STK32B: variants seen among roughly 807,000 people sequenced by gnomAD.
STK32B encodes serine/threonine kinase 32B.
A neutral mutation model predicts 52.6 loss-of-function variants in STK32B; 43 were observed. That is an observed-to-expected ratio of 0.82 (90% CI 0.64 to 1.05). STK32B has a LOEUF of 1.05. Ranked by LOEUF, STK32B falls within the 50% of genes least tolerant of loss-of-function variation. The probability of loss-of-function intolerance (pLI) is 0.00; values close to 1 mark genes in which losing one functional copy is unlikely to be tolerated. For synonymous variants in STK32B, 238 were observed against 204.3 expected, an observed-to-expected ratio of 1.17 and a Z score of -1.41; for missense variants, 621 against 534.6, an observed-to-expected ratio of 1.16 and a Z score of -1.59.
intron 1 of STK32B, among the ~76,000 whole-genome samples, chr4:5,112,470 G>T (rs1714455428): frequency 6.6e-6 from 1 of 152,140 alleles, no homozygotes; most frequent in African/African-American, 2.4e-5. Context: ...AAAGAGGGCT[G>T]ATGTCCTGGC....
intron 1 of STK32B, among the ~76,000 whole-genome samples, chr4:5,098,672 G>GA (rs1455050438): frequency 6.6e-6 from 1 of 152,200 alleles, no homozygotes; most frequent in Non-Finnish European, 1.5e-5. Flanking sequence ...TGTAGGCCAT[G>GA]ATTCTAATAT....
intron 2 of STK32B, among the ~76,000 whole-genome samples, chr4:5,162,318 G>T (rs1286355699): frequency 6.6e-6 from 1 of 152,078 alleles, no homozygotes; most frequent in Non-Finnish European, 1.5e-5. Context: ...GCCTTCCCTG[G>T]GATACATCTA....
At chr4:5,297,828 C>T (rs1298276659) in intron 3 of STK32B, among the ~76,000 whole-genome samples, 2 of 152,030 alleles carry the variant, frequency 1.3e-5, no homozygotes, top group Admixed American at 6.5e-5. Flanking sequence ...CCCTGGCTGG[C>T]AAGGAGTTGT....
chr4:5,335,853 A>G (rs1732638605), intron 4 of STK32B, among the ~76,000 whole-genome samples: 1 of 151,838 alleles, frequency 6.6e-6, no homozygotes, highest in South Asian at 2.1e-4. Context: ...ACAGTTTGTT[A>G]TAATTTCTAT....
intron 4 of STK32B, among the ~76,000 whole-genome samples, chr4:5,334,595 A>G (rs1233999370): frequency 2.6e-5 from 4 of 152,284 alleles, no homozygotes; most frequent in South Asian, 4.1e-4. Flanking sequence ...TCCATTCAGT[A>G]TGATATTGGC....
chr4:5,491,150 C>T (rs1349825269), intron 11 of STK32B, among the ~76,000 whole-genome samples: 7 of 152,216 alleles, frequency 4.6e-5, no homozygotes, highest in Non-Finnish European at 1.0e-4. Flanking sequence ...AATCACCACA[C>T]TGACTTCCAC....
chr4:5,180,822 A>G (rs551103676), intron 3 of STK32B, among the ~76,000 whole-genome samples: 1 of 152,156 alleles, frequency 6.6e-6, no homozygotes. Flanking sequence ...TAATTTTCAT[A>G]GCAATTTTTG....
intron 3 of STK32B, among the ~76,000 whole-genome samples, chr4:5,323,501 C>G (rs13435474): frequency 0.2 from 29,967 of 152,064 alleles, 3,538 homozygotes; most frequent in African/African-American, 0.32. Flanking sequence ...GTCACTCAGG[C>G]TAATGGGAGT....
intron 3 of STK32B, among the ~76,000 whole-genome samples, chr4:5,311,523 G>A (rs72616108): frequency 0.014 from 2,061 of 152,182 alleles, 27 homozygotes; most frequent in East Asian, 0.071. Flanking sequence ...ATTTAAGAAA[G>A]TTGATCAAGC....
intron 3 of STK32B, among the ~76,000 whole-genome samples, chr4:5,187,822 C>T (rs995621590): frequency 1.3e-5 from 2 of 152,188 alleles, no homozygotes; most frequent in African/African-American, 4.8e-5. Context: ...TATGCTCTTT[C>T]TAAAGCCAAC....
intron 4 of STK32B, among the ~76,000 whole-genome samples, chr4:5,332,739 A>G (rs1175411868): frequency 1.3e-5 from 2 of 152,152 alleles, no homozygotes; most frequent in Non-Finnish European, 2.9e-5. Context: ...GAGTGAGAAC[A>G]TGCGGTGTTT....
At chr4:5,423,066 C>T (rs1186480648) in intron 6 of STK32B, among the ~76,000 whole-genome samples, 1 of 152,096 alleles carries the variant, frequency 6.6e-6, no homozygotes, top group Non-Finnish European at 1.5e-5. Context: ...GCACAGGAGT[C>T]TTGAATGCTG....
the STK32B span, among the ~76,000 whole-genome samples, chr4:5,037,579 A>T: frequency 6.6e-6 from 1 of 152,202 alleles, no homozygotes; most frequent in Admixed American, 6.5e-5. Flanking sequence ...TACTCTACAG[A>T]TAAAGGAAGT....
intron 11 of STK32B, among the ~76,000 whole-genome samples, chr4:5,468,534 G>A (rs972901218): frequency 2.0e-5 from 3 of 152,204 alleles, no homozygotes; most frequent in Non-Finnish European, 2.9e-5. Flanking sequence ...CTGTGGTCCC[G>A]CAGCACCTGG....
chr4:5,350,858 A>G (rs1459828618), intron 4 of STK32B, among the ~76,000 whole-genome samples: 1 of 152,170 alleles, frequency 6.6e-6, no homozygotes, highest in African/African-American at 2.4e-5. Flanking sequence ...CAGATAAAAT[A>G]GACTTTAAGT....
At chr4:5,364,126 C>T (rs948853372) in intron 4 of STK32B, among the ~76,000 whole-genome samples, 1 of 152,160 alleles carries the variant, frequency 6.6e-6, no homozygotes, top group Admixed American at 6.5e-5. Flanking sequence ...GTCTTAATGC[C>T]TTAGCACTGT....
chr4:5,231,662 A>G (rs1239162812), intron 3 of STK32B, among the ~76,000 whole-genome samples: 3 of 152,096 alleles, frequency 2.0e-5, no homozygotes, highest in African/African-American at 7.2e-5. Context: ...AAAGAAAAAG[A>G]AAGAGTAGTT....
chr4:5,490,680 C>T (rs546232627), intron 11 of STK32B, among the ~76,000 whole-genome samples: 12 of 152,034 alleles, frequency 7.9e-5, no homozygotes, highest in African/African-American at 1.2e-4. Flanking sequence ...CCCATTAACT[C>T]GTCATTTAGC....
chr4:5,263,047 T>G (rs1394914975), intron 3 of STK32B, among the ~76,000 whole-genome samples: 2 of 152,030 alleles, frequency 1.3e-5, no homozygotes, highest in African/African-American at 4.8e-5. Context: ...TACCTCTGTT[T>G]AGCATCTTAT....
Sources: allele counts gnomAD v4.1 joint callset (sites outside exome capture counted in the v4.1 genomes callset), GRCh38; gene constraint gnomAD v4.1.1; transcripts MANE v1.5; gene names NCBI Gene and HGNC (gene_info 2026-07-23, HGNC 2026-07-21).